Variants in ANXA8 observed in about 807,000 individuals in gnomAD.
ANXA8 encodes annexin A8.
Under a neutral mutation model 26.8 loss-of-function variants are expected in ANXA8, and 9 were observed. That is an observed-to-expected ratio of 0.34 (90% confidence interval 0.20 to 0.59). ANXA8 has a LOEUF of 0.59. Ranked by LOEUF, ANXA8 falls within the 20% of genes least tolerant of loss-of-function variation. ANXA8 has a pLI of 0.84. For missense variants in ANXA8, 83 were observed against 238.5 expected (o/e 0.35, Z 4.29); for synonymous variants, 39 against 94.8 (o/e 0.41, Z 3.42).
At chr10:47,555,625 A>G in the ANXA8 span, among the ~76,000 whole-genome samples, 1 of 151,974 alleles carries the variant, frequency 6.6e-6, no homozygotes, top group Non-Finnish European at 1.5e-5. Context: ...CCTCCATGAC[A>G]TATCCATTTG....
At chr10:47,703,996 G>C in the ANXA8 span, among the ~76,000 whole-genome samples, 2 of 142,116 alleles carry the variant, frequency 1.4e-5, no homozygotes, top group African/African-American at 4.9e-5. Context: ...TAAGTGTCAA[G>C]GTAATGAAAA....
the ANXA8 span, among the ~76,000 whole-genome samples, chr10:47,969,746 C>T: frequency 1.3e-5 from 2 of 150,134 alleles, no homozygotes; most frequent in Non-Finnish European, 3.0e-5. Context: ...GATGGGGTCT[C>T]GCTTTGTTGC....
At chr10:47,603,513 T>C in the ANXA8 span, among the ~76,000 whole-genome samples, 2 of 145,756 alleles carry the variant, frequency 1.4e-5, no homozygotes, top group Admixed American at 1.3e-4. Flanking sequence ...ATAATGTTCT[T>C]ACTTTTTTTT....
chr10:47,502,506 G>T, the ANXA8 span: 1 of 1,613,150 alleles, frequency 6.2e-7, no homozygotes, highest in South Asian at 1.1e-5. Flanking sequence ...CCCAGATGCT[G>T]TTGGCTAGCT....
the ANXA8 span, among the ~76,000 whole-genome samples, chr10:47,944,356 C>A: frequency 6.7e-6 from 1 of 149,056 alleles, no homozygotes; most frequent in Admixed American, 6.6e-5. Context: ...GCATCCTCCC[C>A]CCGCATCATG....
At chr10:47,671,330 G>A in the ANXA8 span, among the ~76,000 whole-genome samples, 1 of 151,766 alleles carries the variant, frequency 6.6e-6, no homozygotes, top group Non-Finnish European at 1.5e-5. Context: ...TCTGAGGTGG[G>A]AGGATAGCTT....
the ANXA8 span, among the ~76,000 whole-genome samples, chr10:47,738,651 A>G: frequency 6.6e-6 from 1 of 151,352 alleles, no homozygotes; most frequent in Admixed American, 6.6e-5. Context: ...ATCTCAGCTC[A>G]CTGCAACCTC....
At chr10:47,600,406 T>A in the ANXA8 span, among the ~76,000 whole-genome samples, 2 of 148,436 alleles carry the variant, frequency 1.3e-5, no homozygotes, top group African/African-American at 2.5e-5. Context: ...TAGTGCTTAT[T>A]GCTGTGTTTG....
chr10:47,670,650 T>C, the ANXA8 span, among the ~76,000 whole-genome samples: 1 of 151,942 alleles, frequency 6.6e-6, no homozygotes, highest in Non-Finnish European at 1.5e-5. Context: ...TGTTGGCCAT[T>C]TGTATATCTT....
chr10:47,750,825 T>C, the ANXA8 span: 1 of 151,976 alleles, frequency 6.6e-6, no homozygotes, highest in Non-Finnish European at 1.5e-5. Context: ...AGTATTATTG[T>C]GTTTATGTGT....
At chr10:47,551,960 G>GA in the ANXA8 span, 1 of 740,672 alleles carries the variant, frequency 1.4e-6, no homozygotes, top group Admixed American at 3.6e-5. Flanking sequence ...AACCTACAAG[G>GA]AAGAAGGTTG....
At chr10:47,511,135 G>T in the ANXA8 span, among the ~76,000 whole-genome samples, 1 of 131,922 alleles carries the variant, frequency 7.6e-6, no homozygotes, top group Non-Finnish European at 1.6e-5. Flanking sequence ...AGTAGAGACG[G>T]GGTTTCACCG....
chr10:47,507,864 T>C, the ANXA8 span, among the ~76,000 whole-genome samples: 63 of 98,668 alleles, frequency 6.4e-4, no homozygotes, highest in East Asian at 1.2e-3. Context: ...TTTCTACCGA[T>C]GAAACCTTTC....
the ANXA8 span, among the ~76,000 whole-genome samples, chr10:47,492,137 G>C: frequency 4.6e-5 from 7 of 151,042 alleles, no homozygotes; most frequent in Non-Finnish European, 7.4e-5. Context: ...TGGAGACCTG[G>C]GCAGTCCTTT....
the ANXA8 span, among the ~76,000 whole-genome samples, chr10:47,490,666 AATC>A: frequency 6.9e-6 from 1 of 144,836 alleles, no homozygotes; most frequent in South Asian, 2.3e-4. Flanking sequence ...TCCCAACAGG[AATC>A]ATAAAAAACT....
the ANXA8 span, among the ~76,000 whole-genome samples, chr10:47,918,443 A>G: frequency 1.7e-4 from 8 of 46,704 alleles, no homozygotes; most frequent in African/African-American, 5.4e-4. Flanking sequence ...GAGAGAGAGA[A>G]AGACAGCGCA....
the ANXA8 span, among the ~76,000 whole-genome samples, chr10:47,653,535 T>C: frequency 6.6e-6 from 1 of 151,628 alleles, no homozygotes; most frequent in Non-Finnish European, 1.5e-5. Flanking sequence ...GTGGGAAAAT[T>C]AAGGACATTT....
At chr10:47,592,335 A>C in the ANXA8 span, among the ~76,000 whole-genome samples, 5 of 151,070 alleles carry the variant, frequency 3.3e-5, 1 homozygote, top group East Asian at 9.7e-4. Context: ...ATGCAACCCT[A>C]GGTGCCCATC....
the ANXA8 span, among the ~76,000 whole-genome samples, chr10:47,530,553 C>T: frequency 3.3e-5 from 5 of 150,656 alleles, no homozygotes; most frequent in South Asian, 4.2e-4. Context: ...ATTAGCCGGG[C>T]GTGGTGGCAG....
Sources: allele counts gnomAD v4.1 joint callset (sites outside exome capture counted in the v4.1 genomes callset), GRCh38; gene constraint gnomAD v4.1.1; transcripts MANE v1.5; gene names NCBI Gene and HGNC (gene_info 2026-07-23, HGNC 2026-07-21).